The following MIPOL1 variants were observed in gnomAD, a reference collection of about 807,000 sequenced individuals.
MIPOL1 encodes mirror-image polydactyly 1, also known as mirror-image polydactyly gene 1 protein.
In MIPOL1, 57 loss-of-function variants were observed where a neutral mutation model predicts 60.9. The observed-to-expected ratio is 0.94, with a 90% CI of 0.76 to 1.17. The LOEUF is 1.17. MIPOL1 is among the 50% of genes most tolerant of loss of function. The pLI, the probability that MIPOL1 is intolerant of heterozygous loss-of-function variation, is 0.00. For synonymous variants in MIPOL1, 179 were observed against 168.8 expected, an observed-to-expected ratio of 1.06 and a Z score of -0.47; for missense variants, 551 against 511.6, an observed-to-expected ratio of 1.08 and a Z score of -0.74.
intron 6 of MIPOL1, among the ~76,000 whole-genome samples, chr14:37,283,438 G>A (rs189045493): frequency 2.7e-4 from 41 of 152,202 alleles, no homozygotes; most frequent in Admixed American, 5.9e-4. Flanking sequence ...TATAATTGTG[G>A]TATGCAGCAT....
chr14:37,463,843 T>C (rs777494838), intron 11 of MIPOL1, among the ~76,000 whole-genome samples: 2 of 152,076 alleles, frequency 1.3e-5, no homozygotes, highest in Non-Finnish European at 2.9e-5. Flanking sequence ...AGAGGAGATA[T>C]TTGCTGTAAA....
chr14:37,219,854 A>G (rs556795304), intron 1 of MIPOL1, among the ~76,000 whole-genome samples: 71 of 152,272 alleles, frequency 4.7e-4, no homozygotes, highest in Admixed American at 1.1e-3. Context: ...TTACATATTT[A>G]GGGTTGCTTA....
intron 12 of MIPOL1, among the ~76,000 whole-genome samples, chr14:37,539,560 C>T (rs574998579): frequency 3.5e-4 from 53 of 152,156 alleles, no homozygotes; most frequent in African/African-American, 1.1e-3. Context: ...CTAGACATGC[C>T]GAGAGAGTAA....
chr14:37,262,727 C>A (rs1168097202), intron 3 of MIPOL1, among the ~76,000 whole-genome samples: 1 of 152,118 alleles, frequency 6.6e-6, no homozygotes, highest in Non-Finnish European at 1.5e-5. Flanking sequence ...TACTTCTATC[C>A]ACCCTTTCTC....
intron 12 of MIPOL1, among the ~76,000 whole-genome samples, chr14:37,514,394 C>G (rs2095352773): frequency 6.6e-6 from 1 of 151,980 alleles, no homozygotes; most frequent in Non-Finnish European, 1.5e-5. Context: ...TGTTAGTGTA[C>G]TTTAAAATAT....
intron 9 of MIPOL1, among the ~76,000 whole-genome samples, chr14:37,315,804 G>T (rs1459315781): frequency 6.6e-6 from 1 of 152,056 alleles, no homozygotes; most frequent in East Asian, 1.9e-4. Flanking sequence ...TTGGGATATG[G>T]ATAAGTAAAA....
At chr14:37,373,733 G>A (rs2092702522) in intron 10 of MIPOL1, among the ~76,000 whole-genome samples, 1 of 152,132 alleles carries the variant, frequency 6.6e-6, no homozygotes, top group African/African-American at 2.4e-5. Context: ...TTTGATGGCT[G>A]CATAACATTC....
chr14:37,500,356 C>A, intron 12 of MIPOL1, among the ~76,000 whole-genome samples: 1 of 152,068 alleles, frequency 6.6e-6, no homozygotes, highest in Admixed American at 6.6e-5. Flanking sequence ...TAGGGCAAAC[C>A]ATTTTTATTT....
At chr14:37,230,803 A>C (rs998345178) in intron 1 of MIPOL1, among the ~76,000 whole-genome samples, 1 of 152,182 alleles carries the variant, frequency 6.6e-6, no homozygotes, top group Non-Finnish European at 1.5e-5. Context: ...TATACTAATG[A>C]TATTGTGCTA....
At chr14:37,225,130 C>T (rs183055506) in intron 1 of MIPOL1, among the ~76,000 whole-genome samples, 84 of 152,324 alleles carry the variant, frequency 5.5e-4, no homozygotes, top group Admixed American at 4.8e-3. Flanking sequence ...CAGGGTACAG[C>T]CTCCCTCCCA....
chr14:37,307,937 T>C (rs1428502499), intron 7 of MIPOL1, 119 bp from the exon 8 acceptor site: 5 of 773,700 alleles, frequency 6.5e-6, no homozygotes, highest in African/African-American at 3.5e-5. Context: ...AGTGTCATGG[T>C]TGACTCTAAA....
intron 6 of MIPOL1, among the ~76,000 whole-genome samples, chr14:37,273,103 A>T (rs2083412936): frequency 6.6e-6 from 1 of 151,290 alleles, no homozygotes; most frequent in Non-Finnish European, 1.5e-5. Context: ...GTTATGATAC[A>T]TTTATAATTT....
intron 5 of MIPOL1, 61 bp from the exon 6 acceptor site, chr14:37,270,359 A>G: frequency 1.2e-6 from 1 of 841,616 alleles, no homozygotes; most frequent in Non-Finnish European, 1.7e-6. Flanking sequence ...TTTGAAATTA[A>G]TTATATTTTT....
chr14:37,338,282 A>AT (rs574400706), intron 9 of MIPOL1, among the ~76,000 whole-genome samples: 119 of 145,226 alleles, frequency 8.2e-4, no homozygotes, highest in Non-Finnish European at 1.4e-3. Flanking sequence ...AGTTTTCTGT[A>AT]TTTTTTTTTA....
At chr14:37,381,613 CCTT>C (rs2092926711) in intron 10 of MIPOL1, among the ~76,000 whole-genome samples, 1 of 151,744 alleles carries the variant, frequency 6.6e-6, no homozygotes, top group Admixed American at 6.6e-5. Flanking sequence ...GACAGGGTCT[CCTT>C]CTGTCACCCA....
chr14:37,483,994 A>G (rs945093138), intron 11 of MIPOL1, among the ~76,000 whole-genome samples: 1 of 152,206 alleles, frequency 6.6e-6, no homozygotes, highest in Admixed American at 6.5e-5. Flanking sequence ...CACTGTTCAC[A>G]ATAGCCAAGT....
intron 1 of MIPOL1, among the ~76,000 whole-genome samples, chr14:37,242,329 AT>A (rs1036534471): frequency 6.0e-4 from 92 of 152,210 alleles, no homozygotes; most frequent in African/African-American, 2.0e-3. Context: ...CTGTAAAAAA[AT>A]AATGTGCCTA....
chr14:37,386,062 G>A (rs561393010), intron 10 of MIPOL1, among the ~76,000 whole-genome samples: 12 of 151,858 alleles, frequency 7.9e-5, no homozygotes, highest in Non-Finnish European at 1.5e-4. Context: ...TTTGGAAATA[G>A]GTTGAGTTTC....
At chr14:37,228,121 T>A (rs2153302111) in intron 1 of MIPOL1, among the ~76,000 whole-genome samples, 1 of 152,184 alleles carries the variant, frequency 6.6e-6, no homozygotes, top group Admixed American at 6.5e-5. Flanking sequence ...GATTTCTGTA[T>A]TGGTGGGACA....
Sources: gnomAD v4.1 joint callset for allele counts (sites outside exome capture counted in the v4.1 genomes callset) on GRCh38, gnomAD v4.1.1 for gene constraint, MANE v1.5 for transcripts, NCBI Gene and HGNC (gene_info 2026-07-23, HGNC 2026-07-21) for gene names.